Variants in ARPP21 observed in about 807,000 individuals in gnomAD.
ARPP21 encodes the protein cAMP regulated phosphoprotein 21.
A neutral mutation model predicts 113.2 loss-of-function variants in ARPP21; 69 were observed. That is an observed-to-expected ratio of 0.61 (90% CI 0.50 to 0.74). ARPP21 has a LOEUF of 0.74. Among genes scored for constraint, ARPP21 ranks in the 30% least tolerant of loss-of-function variants. The pLI is 0.00. For missense variants in ARPP21, 1,070 were observed against 1,037.4 expected (o/e 1.03, Z -0.43); for synonymous variants, 368 against 375.5 (o/e 0.98, Z 0.23).
At chr3:35,779,121 G>C (rs560726379) in intron 19 of ARPP21, among the ~76,000 whole-genome samples, 17 of 152,228 alleles carry the variant, frequency 1.1e-4, no homozygotes, top group African/African-American at 3.6e-4. Flanking sequence ...CTTACTCTGT[G>C]TTATCTTAGA....
chr3:35,697,833 G>T (rs1383823069), intron 9 of ARPP21, among the ~76,000 whole-genome samples: 1 of 151,552 alleles, frequency 6.6e-6, no homozygotes, highest in Non-Finnish European at 1.5e-5. Flanking sequence ...TTCCTTCCGT[G>T]TTTATTATAT....
intron 20 of ARPP21, among the ~76,000 whole-genome samples, chr3:35,792,963 C>A (rs1486984629): frequency 1.3e-5 from 2 of 152,144 alleles, no homozygotes; most frequent in South Asian, 2.1e-4. Context: ...ATTTAAAGGG[C>A]ATTTCTGGAG....
intron 1 of ARPP21, among the ~76,000 whole-genome samples, chr3:35,677,131 G>T (rs1431010988): frequency 6.6e-6 from 1 of 151,850 alleles, no homozygotes; most frequent in Non-Finnish European, 1.5e-5. Flanking sequence ...TGAAGAAAGT[G>T]ACTAATACAG....
chr3:35,754,598 G>A (rs2095510362), intron 19 of ARPP21, among the ~76,000 whole-genome samples: 2 of 151,808 alleles, frequency 1.3e-5, no homozygotes, highest in Admixed American at 6.6e-5. Flanking sequence ...TATAACACTG[G>A]GATTAAGAGA....
chr3:35,785,714 A>G (rs1456529844), intron 19 of ARPP21, among the ~76,000 whole-genome samples: 2 of 152,172 alleles, frequency 1.3e-5, no homozygotes, highest in African/African-American at 2.4e-5. Context: ...CATTCTGTGT[A>G]GTATGAAAGC....
rs995221272 is a variant in ARPP21, at chr3:35,721,752, G to A, written c.1143G>A (p.Thr381=). The A allele has an allele frequency of 3.0e-5, 48 of 1,613,660 alleles. No individual in the cohort carries two copies. The highest frequency in any genetic ancestry group is 3.4e-5 in the Non-Finnish European group (40 of 1,179,880). ...ATCTAAAGCCCGCCATGACCAAGAC[G>A]GCGAGTTTTGGGGGCATCACGGTGC... ...NRNLKPAMTK[T]ASFGGITVLT... Residue 381 remains threonine, a synonymous_variant, in exon 14 of 21, where the codon ACG becomes ACA. Transcript: ENST00000684406.
At chr3:35,753,240 A>C (rs1469859749) in intron 19 of ARPP21, among the ~76,000 whole-genome samples, 2 of 152,040 alleles carry the variant, frequency 1.3e-5, no homozygotes, top group East Asian at 3.8e-4. Context: ...AAATAAGAGC[A>C]AAACTGTGGT....
chr3:35,642,984 G>A (rs146222902), intron 1 of ARPP21, among the ~76,000 whole-genome samples: 6 of 152,174 alleles, frequency 3.9e-5, no homozygotes, highest in African/African-American at 1.4e-4. Context: ...GGTAACTTTT[G>A]TAATGTCACA....
At chr3:35,762,558 A>C (rs2095821563) in intron 19 of ARPP21, among the ~76,000 whole-genome samples, 1 of 152,084 alleles carries the variant, frequency 6.6e-6, no homozygotes, top group Non-Finnish European at 1.5e-5. Context: ...TAGAGGCTAA[A>C]GGGCTGGGAA....
Position 35,762,096 on chromosome 3 carries a change from C to CCTCTCTCT in ARPP21, c.2137+18155_2137+18162dup, listed in dbSNP as rs373149403. Among the ~76,000 whole-genome samples the CCTCTCTCT allele has an allele frequency of 7.0e-3, 953 of 136,016 alleles. 12 individuals are homozygous for CCTCTCTCT. The highest frequency in any genetic ancestry group is 0.024 in the African/African-American group (798 of 33,036). 89.2% of individuals were successfully genotyped at this position (136,016 alleles called of 152,430 possible). A position where few individuals can be genotyped will look rare whatever the true frequency, so the allele number is the denominator to read the frequency against. On this transcript the variant is annotated intron_variant, in intron 19 of 20. Transcript: ENST00000684406. ...TAATAACTACACAGACTCTCTCTCT[C>CCTCTCTCT]CTCTCTCTCTCTCTCTCTCTCTCTC...
At chr3:35,767,534 A>G (rs925336268) in intron 19 of ARPP21, among the ~76,000 whole-genome samples, 45 of 152,264 alleles carry the variant, frequency 3.0e-4, no homozygotes, top group Middle Eastern at 6.8e-3. Flanking sequence ...CACTCCAAGC[A>G]GAGAAAAGAA....
chr3:35,739,455 G>A lies in ARPP21; in HGVS notation c.1888G>A (p.Ala630Thr), dbSNP rs151173813. 3.8e-3 allele frequency: 6,111 copies of A among 1,614,058 alleles called. 12 individuals carry two copies. Among genetic ancestry groups the A allele is most frequent in the Non-Finnish European group, 4.4e-3 (5,226 of 1,180,016 alleles). The change falls in exon 18 of 21, where the codon GCC (alanine) becomes ACC (threonine). Residue 630 changes from alanine to threonine, a missense_variant. By Grantham distance (58) the Ala-to-Thr change is moderately conservative. Transcript: ENST00000684406. ...QPAQQPSYVI[A>T]STGQQLPTGG... is the part of the protein sequence containing the mutation. ...GGCCCAGCAGCCCAGCTATGTAATCGCCTCTACAGGCCAGCAGCTTCCTAC... is the reference window on the plus strand; with the variant it reads ...GGCCCAGCAGCCCAGCTATGTAATCACCTCTACAGGCCAGCAGCTTCCTAC...
intron 9 of ARPP21, among the ~76,000 whole-genome samples, chr3:35,704,885 G>A (rs1355963657): frequency 6.6e-6 from 1 of 151,944 alleles, no homozygotes; most frequent in Admixed American, 6.6e-5. Flanking sequence ...TTCTAATTCT[G>A]GTTAGTGCTT....
rs1316764659 is a variant in ARPP21 at position 35,689,323 on chromosome 3, C to T, written c.423C>T (p.Tyr141=). 3 of 1,572,022 alleles carry T rather than the reference C, an allele frequency of 1.9e-6. No homozygotes were observed. Among genetic ancestry groups the T allele is most frequent in the Non-Finnish European group, 1.8e-6 (2 of 1,142,732 alleles). Residue 141 remains tyrosine, a synonymous_variant, in exon 7 of 21, where the codon TAC becomes TAT. Transcript: ENST00000684406. ...RMLSKDCSQE[Y]TDSTGIDLHE... ...TTGTTTCAGATTGCAGCCAAGAATA[C>T]ACGGATTCTACAGGCATAGACTTAC...
intron 12 of ARPP21, among the ~76,000 whole-genome samples, chr3:35,716,230 T>C (rs2092375079): frequency 6.6e-6 from 1 of 152,126 alleles, no homozygotes; most frequent in Non-Finnish European, 1.5e-5. Flanking sequence ...ACTAATCACA[T>C]TTAAGAGGCA....
intron 11 of ARPP21, among the ~76,000 whole-genome samples, chr3:35,712,068 C>T (rs1268590036): frequency 6.6e-6 from 1 of 152,136 alleles, no homozygotes; most frequent in East Asian, 1.9e-4. Context: ...AACATAAAGG[C>T]AGCACACTTT....
chr3:35,766,709 C>T (rs1240401566), intron 19 of ARPP21, among the ~76,000 whole-genome samples: 2 of 152,188 alleles, frequency 1.3e-5, no homozygotes, highest in African/African-American at 4.8e-5. Flanking sequence ...TATCATTTGC[C>T]AGAACAATAA....
At chr3:35,765,887 C>G (rs895813898) in intron 19 of ARPP21, among the ~76,000 whole-genome samples, 5 of 152,032 alleles carry the variant, frequency 3.3e-5, no homozygotes, top group Non-Finnish European at 7.4e-5. Flanking sequence ...TCAGTGTTCT[C>G]ATATGTAAAA....
At chr3:35,769,507 A>G (rs535430126) in intron 19 of ARPP21, among the ~76,000 whole-genome samples, 1 of 152,290 alleles carries the variant, frequency 6.6e-6, no homozygotes, top group African/African-American at 2.4e-5. Flanking sequence ...TGACTCCTTG[A>G]CACAGCCCCG....
Sources: gnomAD v4.1 joint callset for allele counts (sites outside exome capture counted in the v4.1 genomes callset) on GRCh38, gnomAD v4.1.1 for gene constraint, MANE v1.5 for transcripts, NCBI Gene and HGNC (gene_info 2026-07-23, HGNC 2026-07-21) for gene names.